ALDH4A1: variants seen among roughly 807,000 people sequenced by gnomAD.
The protein encoded by ALDH4A1 is delta-1-pyrroline-5-carboxylate dehydrogenase, mitochondrial.
In ALDH4A1, 46 loss-of-function variants were observed where a neutral mutation model predicts 70.5. That is an observed-to-expected ratio of 0.65 (90% confidence interval 0.51 to 0.83). The LOEUF is 0.83. Among genes scored for constraint, ALDH4A1 ranks in the 40% least tolerant of loss-of-function variants. The probability of loss-of-function intolerance (pLI) is 0.00; values close to 1 mark genes in which losing one functional copy is unlikely to be tolerated. For synonymous variants in ALDH4A1, 323 were observed against 324.3 expected, an observed-to-expected ratio of 1.00 and a Z score of 0.04; for missense variants, 749 against 766.5, an observed-to-expected ratio of 0.98 and a Z score of 0.27.
rs1389973889 is a variant in ALDH4A1 at position 18,881,991 on chromosome 1, A to G, written c.679-104T>C. 2.6e-6 allele frequency: 3 copies of G among 1,146,824 alleles called. No individual in the cohort carries two copies. In the East Asian group the frequency reaches 8.0e-5, roughly 31 times the overall value. The allele number at this position is 1,146,824 out of a possible 1,614,324, so 71.0% of individuals were successfully genotyped here. ...TGGTTGTCCCTCACCTGGAACCACC[A>G]GACTCTGTGCCAACCAGGACATCCC... On this transcript the variant is annotated intron_variant, in intron 7 of 14. Transcript: ENST00000375341.
chr1:18,877,778 C>A (rs1205370527), intron 9 of ALDH4A1, among the ~76,000 whole-genome samples, 166 bp from the exon 10 acceptor site: 2 of 152,192 alleles, frequency 1.3e-5, no homozygotes, highest in Non-Finnish European at 2.9e-5. Flanking sequence ...TCCCAGAGAC[C>A]CACGGGCCAG....
chr1:18,897,439 AGGCTGAGGTAGGAGGAT>A (rs2100611878), intron 1 of ALDH4A1, among the ~76,000 whole-genome samples: 1 of 152,272 alleles, frequency 6.6e-6, no homozygotes, highest in African/African-American at 2.4e-5. Context: ...GCTACTTAGG[AGGCTGAGGTAGGAGGAT>A]GGCTTGAGCC....
At chr1:18,901,069 G>GC in intron 1 of ALDH4A1, 1 of 191,222 alleles carries the variant, frequency 5.2e-6, no homozygotes, top group Non-Finnish European at 9.6e-6. Context: ...TCTCTAGGGT[G>GC]TTTGGCAGAG....
In ALDH4A1 at chr1:18,880,480, C is replaced by T. The variant is rs924959681; in HGVS notation, c.867-1107G>A. Among the ~76,000 whole-genome samples the T allele has an allele frequency of 1.7e-4, 26 of 152,114 alleles. No homozygotes were observed. Among genetic ancestry groups the T allele is most frequent in the Admixed American group, 1.6e-3 (25 of 15,272 alleles). On this transcript the variant is annotated intron_variant, in intron 8 of 14. Transcript: ENST00000375341. This position sits in a 1 kb window ranked among gnomAD's most constrained non-coding sequence, Gnocchi z 5.1. ...GAACCTGCCCCCTTCTCCACATCCC[C>T]CATCTCTCCCCTGGTTCAAGCCCCT... is the stretch of plus-strand genomic sequence containing the variant.
chr1:18,877,715 G>C, intron 9 of ALDH4A1, 103 bp from the exon 10 acceptor site: 1 of 1,373,290 alleles, frequency 7.3e-7, no homozygotes, highest in Non-Finnish European at 1.0e-6. Context: ...GGACCAACAC[G>C]AGCACGGAGC....
At chr1:18,885,415 G>A in intron 5 of ALDH4A1, 58 bp downstream of exon 5, 2 of 1,433,766 alleles carry the variant, frequency 1.4e-6, no homozygotes, top group African/African-American at 1.4e-5. Flanking sequence ...CCATGGGTAG[G>A]GCACACCTGA....
At chr1:18,891,823 T>C (rs893511793) in intron 1 of ALDH4A1, among the ~76,000 whole-genome samples, 4 of 151,592 alleles carry the variant, frequency 2.6e-5, no homozygotes, top group African/African-American at 9.7e-5. Context: ...AGGTCAGGAG[T>C]GTGAGACCAG....
intron 11 of ALDH4A1, 139 bp downstream of exon 11, chr1:18,877,069 G>A (rs1934726366): frequency 9.3e-7 from 1 of 1,079,570 alleles, no homozygotes; most frequent in South Asian, 1.4e-5. Flanking sequence ...GGAGGTGCGT[G>A]TGTGGCTGCT....
intron 3 of ALDH4A1, among the ~76,000 whole-genome samples, chr1:18,888,645 G>A (rs559115095): frequency 6.6e-5 from 10 of 152,212 alleles, no homozygotes; most frequent in Non-Finnish European, 1.2e-4. Context: ...GCTGTCAGCT[G>A]GCACCTGCAC....
At chr1:18,890,129 G>A (rs1310025410) in intron 1 of ALDH4A1, 24 bp from the exon 2 acceptor site, 3 of 1,586,638 alleles carry the variant, frequency 1.9e-6, no homozygotes, top group Non-Finnish European at 1.7e-6. Flanking sequence ...GCAGGGGACA[G>A]AGGCAGAGAG....
chr1:18,885,327 T>C, intron 5 of ALDH4A1, 146 bp downstream of exon 5: 1 of 760,238 alleles, frequency 1.3e-6, no homozygotes, highest in Non-Finnish European at 2.2e-6. Context: ...TCCCAGCTCC[T>C]AGGCCTTGTC....
intron 5 of ALDH4A1, 111 bp downstream of exon 5, chr1:18,885,361 CA>C: frequency 1.7e-6 from 2 of 1,154,426 alleles, no homozygotes; most frequent in Non-Finnish European, 1.2e-6. Flanking sequence ...TCTGGGTCCC[CA>C]AAAGGGCTTA....
chr1:18,888,322 T>G (rs985632610), intron 3 of ALDH4A1, among the ~76,000 whole-genome samples: 1 of 152,206 alleles, frequency 6.6e-6, no homozygotes, highest in Non-Finnish European at 1.5e-5. Context: ...GGCTGCGACC[T>G]GGGCCCCAGT....
chr1:18,897,182 G>T, intron 1 of ALDH4A1: 1 of 468,070 alleles, frequency 2.1e-6, no homozygotes, highest in Non-Finnish European at 4.4e-6. Context: ...TTTGGACTTT[G>T]GAACTTGGGA....
Position 18,875,508 on chromosome 1 carries a change from G to A in ALDH4A1, c.1339-5C>T, listed in dbSNP as rs1202844913. On this transcript the variant is annotated splice_polypyrimidine_tract_variant and splice_region_variant and intron_variant, in intron 12 of 14. Transcript: ENST00000375341. ...CAGTACAGGCCCGAAGATCTCCTAG[G>A]AGAGAGGCCCCGGCGTCAGACCCTC... The A allele has an allele frequency of 6.2e-7, 1 of 1,613,952 alleles. No homozygotes were observed. Among genetic ancestry groups the A allele is most frequent in the African/African-American group, 1.3e-5 (1 of 74,918 alleles).
chr1:18,892,166 G>A (rs1034011509), intron 1 of ALDH4A1, among the ~76,000 whole-genome samples: 6 of 152,102 alleles, frequency 3.9e-5, no homozygotes, highest in African/African-American at 7.2e-5. Context: ...TATGAGTGTC[G>A]GGGGCCAGAA....
At chr1:18,894,404 G>A (rs1051301412) in intron 1 of ALDH4A1, among the ~76,000 whole-genome samples, 6 of 152,178 alleles carry the variant, frequency 3.9e-5, no homozygotes, top group Non-Finnish European at 7.3e-5. Flanking sequence ...TTAGCCAGAC[G>A]TGGTGGCACG....
At chr1:18,889,947 G>C (rs1285812534) in intron 2 of ALDH4A1, 65 bp downstream of exon 2, 2 of 1,371,304 alleles carry the variant, frequency 1.5e-6, no homozygotes, top group African/African-American at 1.4e-5. Context: ...GCTATCTCAG[G>C]GCTGCTGGGG....
intron 5 of ALDH4A1, chr1:18,885,237 A>G: frequency 1.7e-6 from 1 of 579,460 alleles, no homozygotes; most frequent in South Asian, 2.0e-5. Flanking sequence ...GGACAGAGGG[A>G]TGGAGGAGAG....
Sources: allele counts gnomAD v4.1 joint callset (sites outside exome capture counted in the v4.1 genomes callset), GRCh38; gene constraint gnomAD v4.1.1; non-coding constraint Gnocchi (gnomAD v3.1); transcripts MANE v1.5; gene names NCBI Gene and HGNC (gene_info 2026-07-23, HGNC 2026-07-21).